Variants in SNTG1 observed in about 807,000 individuals in gnomAD.
SNTG1 encodes gamma-1-syntrophin.
In SNTG1, 39 loss-of-function variants were observed where a neutral mutation model predicts 74.7. That is an observed-to-expected ratio of 0.52 (90% CI 0.40 to 0.68). The LOEUF (loss-of-function observed/expected upper bound fraction) is 0.68. Ranked by LOEUF, SNTG1 falls within the 30% of genes least tolerant of loss-of-function variation. The pLI is 0.00. For missense variants in SNTG1, 685 were observed against 609.5 expected, an observed-to-expected ratio of 1.12 and a Z score of -1.30; for synonymous variants, 254 against 217.1, an observed-to-expected ratio of 1.17 and a Z score of -1.49.
At chr8:50,143,246 T>C (rs1393382994) in intron 1 of SNTG1, among the ~76,000 whole-genome samples, 2 of 152,192 alleles carry the variant, frequency 1.3e-5, no homozygotes, top group African/African-American at 2.4e-5. Context: ...TTTCCAATAC[T>C]CACAATAATA....
chr8:50,250,704 C>G (rs2086609566), intron 2 of SNTG1, among the ~76,000 whole-genome samples: 2 of 151,876 alleles, frequency 1.3e-5, no homozygotes, highest in Non-Finnish European at 2.9e-5. Context: ...AGAAAGCAAA[C>G]AAACAAAAAT....
In SNTG1 at chr8:50,274,825, T is replaced by G. The variant is rs141450874; in HGVS notation, c.-28+102190T>G. ...TGATATGATCATACGATTTTATCTT[T>G]AGCTTGCTGATGTGATTGATTGATT... is the stretch of plus-strand genomic sequence containing the variant. On this transcript the variant is annotated intron_variant, in intron 2 of 18. Coordinates refer to ENST00000642720, the MANE Select transcript of SNTG1 (RefSeq NM_018967.5). 9.6e-3 allele frequency among the ~76,000 whole-genome samples: 1,456 copies of G among 152,348 alleles called. 10 individuals are homozygous for G. The highest frequency in any genetic ancestry group is 0.048 in the Middle Eastern group (14 of 294).
At chr8:50,671,586 A>G (rs890245517) in intron 15 of SNTG1, among the ~76,000 whole-genome samples, 4 of 152,122 alleles carry the variant, frequency 2.6e-5, no homozygotes, top group African/African-American at 9.7e-5. Context: ...ACACTTTTAC[A>G]CTGGTGATGG....
At chr8:50,369,689 C>T (rs1054740490) in intron 2 of SNTG1, among the ~76,000 whole-genome samples, 3 of 151,778 alleles carry the variant, frequency 2.0e-5, no homozygotes, top group African/African-American at 7.3e-5. Context: ...TGTCTGCAAG[C>T]CAGGAAGAGA....
At chr8:50,419,520 C>T (rs1162126310) in intron 4 of SNTG1, among the ~76,000 whole-genome samples, 1 of 152,126 alleles carries the variant, frequency 6.6e-6, no homozygotes, top group Non-Finnish European at 1.5e-5. Context: ...CAAATCTGTG[C>T]AGCCCAGTGA....
At chr8:50,283,038 T>C (rs1375079980) in intron 2 of SNTG1, among the ~76,000 whole-genome samples, 2 of 152,194 alleles carry the variant, frequency 1.3e-5, no homozygotes, top group South Asian at 4.1e-4. Context: ...TTTACAAATG[T>C]GTATTTTACC....
intron 9 of SNTG1, among the ~76,000 whole-genome samples, chr8:50,513,328 TG>T (rs1410700537): frequency 6.6e-6 from 1 of 152,162 alleles, no homozygotes; most frequent in Non-Finnish European, 1.5e-5. Context: ...CTGCCCCTAC[TG>T]GGGGGTGCCT....
At chr8:50,419,720 C>A (rs1261813011) in intron 4 of SNTG1, among the ~76,000 whole-genome samples, 3 of 151,896 alleles carry the variant, frequency 2.0e-5, no homozygotes, top group Non-Finnish European at 2.9e-5. Context: ...GATATCAAAT[C>A]TGAAATGATA....
At chr8:50,298,128 C>T (rs891097984) in intron 2 of SNTG1, among the ~76,000 whole-genome samples, 8 of 152,114 alleles carry the variant, frequency 5.3e-5, no homozygotes, top group South Asian at 2.1e-4. Flanking sequence ...CCTGATCCAA[C>T]GGCAATGAAA....
chr8:50,074,086 G>A (rs1364656765), intron 1 of SNTG1, among the ~76,000 whole-genome samples: 1 of 151,916 alleles, frequency 6.6e-6, no homozygotes, highest in African/African-American at 2.4e-5. Context: ...GAAAGTCCTA[G>A]ATGACTTCTT....
chr8:50,608,473 T>C (rs1167532861), intron 13 of SNTG1, among the ~76,000 whole-genome samples: 1 of 151,862 alleles, frequency 6.6e-6, no homozygotes, highest in African/African-American at 2.4e-5. Context: ...GTATAATATT[T>C]CTTGGCTTAA....
At chr8:50,054,977 G>T (rs574831071) in intron 1 of SNTG1, among the ~76,000 whole-genome samples, 34 of 152,214 alleles carry the variant, frequency 2.2e-4, no homozygotes, top group African/African-American at 7.9e-4. Context: ...ATAAGCCAGT[G>T]AACTAGGCCT....
chr8:49,982,635 A>AGTGTGTGT (rs35133955), intron 1 of SNTG1, among the ~76,000 whole-genome samples: 74 of 143,212 alleles, frequency 5.2e-4, no homozygotes, highest in African/African-American at 1.9e-3. Flanking sequence ...AGCCCAAAAC[A>AGTGTGTGT]GTGTGTGTGT....
intron 13 of SNTG1, among the ~76,000 whole-genome samples, chr8:50,653,547 C>A (rs1376068498): frequency 6.6e-6 from 1 of 152,192 alleles, no homozygotes; most frequent in Non-Finnish European, 1.5e-5. Flanking sequence ...CATTTTTCCG[C>A]CACATTTGTT....
intron 1 of SNTG1, among the ~76,000 whole-genome samples, chr8:49,985,244 T>C (rs1813046593): frequency 6.6e-6 from 1 of 152,186 alleles, no homozygotes; most frequent in Non-Finnish European, 1.5e-5. Context: ...CGATCTCCAC[T>C]CACTGCCACC....
At chr8:50,725,613 G>GT (rs1250738054) in intron 17 of SNTG1, among the ~76,000 whole-genome samples, 2 of 152,156 alleles carry the variant, frequency 1.3e-5, no homozygotes, top group East Asian at 3.9e-4. Flanking sequence ...AATTTCCTCT[G>GT]TTTTTCACCG....
chr8:50,170,374 A>G (rs996050486), intron 1 of SNTG1, among the ~76,000 whole-genome samples: 6 of 152,224 alleles, frequency 3.9e-5, no homozygotes, highest in African/African-American at 1.4e-4. Flanking sequence ...ATAACTAAGG[A>G]AACAACCTAT....
chr8:50,172,175 C>T (rs2082830679), intron 1 of SNTG1, among the ~76,000 whole-genome samples: 1 of 152,128 alleles, frequency 6.6e-6, no homozygotes, highest in Admixed American at 6.6e-5. Flanking sequence ...ATAGACCATT[C>T]CTCACAATGA....
intron 2 of SNTG1, among the ~76,000 whole-genome samples, chr8:50,215,530 A>G (rs1031570649): frequency 6.7e-6 from 1 of 149,658 alleles, no homozygotes; most frequent in Non-Finnish European, 1.5e-5. Flanking sequence ...TTAGTTTAAG[A>G]TATCCTGACA....
Sources: allele counts gnomAD v4.1 joint callset (sites outside exome capture counted in the v4.1 genomes callset), GRCh38; gene constraint gnomAD v4.1.1; transcripts MANE v1.5; gene names NCBI Gene and HGNC (gene_info 2026-07-23, HGNC 2026-07-21).